The following GUCY1A2 variants were observed in gnomAD, a reference collection of about 807,000 sequenced individuals.
GUCY1A2 encodes the protein guanylate cyclase soluble subunit alpha-2.
A neutral mutation model predicts 63.5 loss-of-function variants in GUCY1A2; 27 were observed. The ratio of observed to expected loss-of-function variants is 0.43; its 90% CI spans 0.31 to 0.59. The LOEUF is 0.59. Ranked by LOEUF, GUCY1A2 falls within the 20% of genes least tolerant of loss-of-function variation. The pLI, the probability that GUCY1A2 is intolerant of heterozygous loss-of-function variation, is 0.11. For synonymous variants in GUCY1A2, 364 were observed against 343.5 expected (o/e 1.06, Z -0.66); for missense variants, 768 against 913.3 (o/e 0.84, Z 2.05).
Position 106,939,532 on chromosome 11 carries a change from G to A in GUCY1A2, c.1134C>T (p.Val378=), listed in dbSNP as rs1860723152. The A allele has an allele frequency of 6.2e-7, 1 of 1,613,842 alleles. No individual in the cohort carries two copies. Among genetic ancestry groups the A allele is most frequent in the Admixed American group, 1.7e-5 (1 of 60,020 alleles). ...SPKVNATFER[V]LLRLSTPFVI... ...CAAACGGGGTAGACAGTCGCAGCAG[G>A]ACCCTTTCAAAGGTGGCATTAACCT... Residue 378 remains valine, a synonymous_variant, in exon 4 of 8, where the codon GTC becomes GTT. Coordinates refer to ENST00000526355, the MANE Select transcript of GUCY1A2 (RefSeq NM_000855.3).
At chr11:106,883,510 T>C (rs575327167) in intron 4 of GUCY1A2, among the ~76,000 whole-genome samples, 1 of 152,220 alleles carries the variant, frequency 6.6e-6, no homozygotes, top group African/African-American at 2.4e-5. Context: ...TACTATGTAA[T>C]GTGTAGGAAG....
rs58523533 is a variant in GUCY1A2, at chr11:106,860,276, A to AT, written c.1207-49799dup. On this transcript the variant is annotated intron_variant, in intron 4 of 7. Coordinates refer to ENST00000526355, the MANE Select transcript of GUCY1A2 (RefSeq NM_000855.3). ...ACTAAGAGTAATAGTATGAACATTG[A>AT]TTTTTTTTTTTTTGCTGTGATGTAA... Among the ~76,000 whole-genome samples, 398 of 145,694 alleles carry AT rather than the reference A, an allele frequency of 2.7e-3. 3 individuals carry two copies. Among genetic ancestry groups the AT allele is most frequent in the South Asian group, 0.014 (65 of 4,558 alleles).
Position 106,884,292 on chromosome 11 carries a change from A to T in GUCY1A2, c.1206+55168T>A, listed in dbSNP as rs1319130393. Among the ~76,000 whole-genome samples, 4 of 152,224 alleles carry T rather than the reference A, an allele frequency of 2.6e-5. No individual in the cohort carries two copies. The East Asian group carries it at 7.7e-4, about 29-fold the overall frequency. On this transcript the variant is annotated intron_variant, in intron 4 of 7. Coordinates refer to ENST00000526355, the MANE Select transcript of GUCY1A2 (RefSeq NM_000855.3). Reference sequence around the variant, plus strand: ...AATATTGCAGAACAAAGACAGTGGAATTCTCTGATTATCTTGCACAGTGAA... The same window carrying T: ...AATATTGCAGAACAAAGACAGTGGATTTCTCTGATTATCTTGCACAGTGAA...
intron 4 of GUCY1A2, among the ~76,000 whole-genome samples, chr11:106,911,808 A>C (rs1324717433): frequency 6.6e-6 from 1 of 152,186 alleles, no homozygotes; most frequent in East Asian, 1.9e-4. Flanking sequence ...ATTTGTATTT[A>C]TCTTGAGAAT....
intron 4 of GUCY1A2, among the ~76,000 whole-genome samples, chr11:106,935,095 G>A (rs1238379444): frequency 6.6e-6 from 1 of 152,144 alleles, no homozygotes; most frequent in Non-Finnish European, 1.5e-5. Flanking sequence ...AGCTCCTATA[G>A]AATGTGTGAC....
At chr11:106,901,910 A>G (rs1219599340) in intron 4 of GUCY1A2, among the ~76,000 whole-genome samples, 1 of 152,108 alleles carries the variant, frequency 6.6e-6, no homozygotes, top group African/African-American at 2.4e-5. Context: ...GGTTGGTCCC[A>G]AGTCTTTGCT....
intron 1 of GUCY1A2, among the ~76,000 whole-genome samples, chr11:106,992,325 CTT>C (rs11297661): frequency 0.053 from 5,977 of 113,612 alleles, 292 homozygotes; most frequent in East Asian, 0.27. Flanking sequence ...AAGAATATGT[CTT>C]TTTTTTTTTT....
intron 6 of GUCY1A2, among the ~76,000 whole-genome samples, chr11:106,732,474 A>G (rs1399214054): frequency 1.3e-5 from 2 of 152,158 alleles, no homozygotes; most frequent in Admixed American, 6.6e-5. Context: ...TTTGTTCACT[A>G]AGACAAAATG....
intron 4 of GUCY1A2, among the ~76,000 whole-genome samples, chr11:106,841,667 T>C (rs932655079): frequency 1.3e-5 from 2 of 151,942 alleles, no homozygotes; most frequent in African/African-American, 4.8e-5. Context: ...AAATACAGAT[T>C]AACAACGTTC....
At chr11:106,805,214 T>A (rs971453760) in intron 5 of GUCY1A2, among the ~76,000 whole-genome samples, 13 of 151,704 alleles carry the variant, frequency 8.6e-5, no homozygotes, top group Non-Finnish European at 1.8e-4. Context: ...CCCTCTACCT[T>A]TACTCTGACA....
chr11:106,854,994 T>C (rs1859409013), intron 4 of GUCY1A2, among the ~76,000 whole-genome samples: 1 of 152,134 alleles, frequency 6.6e-6, no homozygotes, highest in Non-Finnish European at 1.5e-5. Flanking sequence ...GTGTTGCAGC[T>C]TTCTAGGTGA....
At position 106,685,323 on chromosome 11, in the gene GUCY1A2, A is replaced by T. The variant is rs1040791047; in HGVS notation, c.*2226T>A. On this transcript the variant is annotated 3_prime_UTR_variant, in exon 8 of 8. Transcript: ENST00000526355. ...TACAATACTTCTCTCCAGGCCTATC[A>T]CTAGTATTGAGGTGGATTTCCAATG... The T allele has an allele frequency of 4.3e-5, 9 of 209,032 alleles. No individual in the cohort carries two copies. The highest frequency in any genetic ancestry group is 2.0e-4 in the African/African-American group (9 of 44,032). The allele number at this position is 209,032 out of a possible 1,614,324, so 12.9% of individuals were successfully genotyped here. A position where few individuals can be genotyped will look rare whatever the true frequency, so the allele number is the denominator to read the frequency against.
At chr11:106,700,932 T>C (rs1862807379) in intron 7 of GUCY1A2, among the ~76,000 whole-genome samples, 1 of 152,124 alleles carries the variant, frequency 6.6e-6, no homozygotes, top group African/African-American at 2.4e-5. Context: ...CCTTGTATAA[T>C]AATTATATTG....
chr11:106,949,288 C>T (rs1406176416), intron 3 of GUCY1A2, among the ~76,000 whole-genome samples: 1 of 152,120 alleles, frequency 6.6e-6, no homozygotes, highest in African/African-American at 2.4e-5. Flanking sequence ...AAGGCTTAGT[C>T]CAGCTTTTAC....
At chr11:107,000,124 A>G (rs1405814436) in intron 1 of GUCY1A2, among the ~76,000 whole-genome samples, 1 of 152,216 alleles carries the variant, frequency 6.6e-6, no homozygotes, top group Non-Finnish European at 1.5e-5. Context: ...TATAAATTGC[A>G]GGTATACTTT....
At chr11:106,691,934 A>C (rs955456251) in intron 7 of GUCY1A2, among the ~76,000 whole-genome samples, 13 of 152,174 alleles carry the variant, frequency 8.5e-5, no homozygotes, top group Non-Finnish European at 1.9e-4. Context: ...GGACAATCTG[A>C]ATGACTTACT....
At chr11:106,788,985 T>C (rs964265376) in intron 5 of GUCY1A2, among the ~76,000 whole-genome samples, 2 of 152,242 alleles carry the variant, frequency 1.3e-5, no homozygotes, top group Non-Finnish European at 1.5e-5. Context: ...GTAGTTTGCT[T>C]TGGGTAGTAT....
intron 3 of GUCY1A2, among the ~76,000 whole-genome samples, chr11:106,963,680 C>T (rs902373015): frequency 4.7e-4 from 72 of 152,178 alleles, no homozygotes; most frequent in Admixed American, 4.3e-3. Context: ...AATCTGGACA[C>T]TAATTATATA....
At chr11:106,831,595 T>C (rs1438213210) in intron 4 of GUCY1A2, among the ~76,000 whole-genome samples, 1 of 152,206 alleles carries the variant, frequency 6.6e-6, no homozygotes, top group Non-Finnish European at 1.5e-5. Context: ...GTTTAGCCTA[T>C]GTGATTCTCC....
Sources: gnomAD v4.1 joint callset for allele counts (sites outside exome capture counted in the v4.1 genomes callset) on GRCh38, gnomAD v4.1.1 for gene constraint, MANE v1.5 for transcripts, NCBI Gene and HGNC (gene_info 2026-07-23, HGNC 2026-07-21) for gene names.